The following ADGB variants were observed in gnomAD, a reference collection of about 807,000 sequenced individuals.
ADGB encodes the protein androglobin, also known as calpain-7-like protein.
A neutral mutation model predicts 210.5 loss-of-function variants in ADGB; 172 were observed. That is an observed-to-expected ratio of 0.82 (90% CI 0.72 to 0.93). The LOEUF is 0.93. Among genes scored for constraint, ADGB ranks in the 40% least tolerant of loss-of-function variants. ADGB has a pLI of 0.00. For missense variants in ADGB, 2,025 were observed against 1,964.8 expected (o/e 1.03, Z -0.58); for synonymous variants, 658 against 662.7 (o/e 0.99, Z 0.11).
At chr6:146,802,408 G>A (rs1189908883) in intron 35 of ADGB, 3 of 172,088 alleles carry the variant, frequency 1.7e-5, no homozygotes, top group Non-Finnish European at 2.4e-5. Flanking sequence ...AGTTAATGAT[G>A]ATTGGTCTTG....
chr6:146,802,090 A>G, intron 35 of ADGB, 79 bp downstream of exon 35: 1 of 989,416 alleles, frequency 1.0e-6, no homozygotes, highest in East Asian at 3.3e-5. Flanking sequence ...TAATTAAATA[A>G]TATTTTGTAT....
chr6:146,787,459 T>C (rs1777888474), intron 32 of ADGB, among the ~76,000 whole-genome samples: 1 of 152,180 alleles, frequency 6.6e-6, no homozygotes, highest in Admixed American at 6.5e-5. Flanking sequence ...CCTGGAATAG[T>C]AAGCTTCATT....
intron 32 of ADGB, among the ~76,000 whole-genome samples, chr6:146,787,163 G>A (rs1029792943): frequency 1.3e-5 from 2 of 152,160 alleles, no homozygotes; most frequent in Non-Finnish European, 2.9e-5. Context: ...AGGGCTCAGA[G>A]ACCCTGACCC....
At chr6:146,788,826 C>T (rs1367210384) in intron 33 of ADGB, among the ~76,000 whole-genome samples, 5 of 152,086 alleles carry the variant, frequency 3.3e-5, no homozygotes, top group African/African-American at 1.2e-4. Context: ...CAAAAGCCCC[C>T]CTACAGATTT....
At chr6:146,793,142 C>A (rs1777976333) in intron 33 of ADGB, among the ~76,000 whole-genome samples, 1 of 152,106 alleles carries the variant, frequency 6.6e-6, no homozygotes, top group Non-Finnish European at 1.5e-5. Context: ...TTTTTTCAAT[C>A]CTCCCCACGA....
intron 2 of ADGB, chr6:146,639,132 AT>A: frequency 2.5e-5 from 4 of 157,206 alleles, no homozygotes; most frequent in East Asian, 3.7e-4. Flanking sequence ...CTTTTCCAGC[AT>A]TTTTTTAATC....
intron 13 of ADGB, among the ~76,000 whole-genome samples, chr6:146,713,802 G>C (rs1357160342): frequency 2.0e-5 from 3 of 151,754 alleles, no homozygotes; most frequent in Non-Finnish European, 4.4e-5. Flanking sequence ...TGCTTTTGGA[G>C]TCATATCTAA....
Position 146,801,824 on chromosome 6 carries a change from C to A in ADGB, c.4635-4C>A. ...CTGTATCTTTTGATGACTTTTGTAT[C>A]AAGGAAAACAGATACAGATCCTCTG... On this transcript the variant is annotated splice_region_variant and splice_polypyrimidine_tract_variant and intron_variant, in intron 34 of 35. Coordinates refer to ENST00000397944, the MANE Select transcript of ADGB (RefSeq NM_024694.4). The A allele has an allele frequency of 6.5e-7, 1 of 1,531,880 alleles. No individual in the cohort carries two copies. Among genetic ancestry groups the A allele is most frequent in the Non-Finnish European group, 8.8e-7 (1 of 1,137,442 alleles). 94.9% of individuals were successfully genotyped at this position (1,531,880 alleles called of 1,614,324 possible).
At chr6:146,699,385 A>G (rs897119846) in intron 12 of ADGB, among the ~76,000 whole-genome samples, 1 of 152,178 alleles carries the variant, frequency 6.6e-6, no homozygotes, top group Admixed American at 6.6e-5. Flanking sequence ...TCCGAAGGGC[A>G]GAAGCCCTGG....
At chr6:146,691,411 A>ATATATATAT (rs1776305900) in intron 11 of ADGB, 121 bp downstream of exon 11, 5 of 98,244 alleles carry the variant, frequency 5.1e-5, no homozygotes, top group African/African-American at 3.5e-4. Context: ...GCCTATGTTT[A>ATATATATAT]ATATATATAT....
intron 13 of ADGB, 76 bp from the exon 14 acceptor site, chr6:146,715,306 C>A (rs1002613168): frequency 8.6e-7 from 1 of 1,168,960 alleles, no homozygotes; most frequent in Non-Finnish European, 1.2e-6. Flanking sequence ...ACTATATTAG[C>A]TCTTTTAGTA....
At chr6:146,651,249 C>A (rs893074837) in intron 3 of ADGB, among the ~76,000 whole-genome samples, 1 of 152,186 alleles carries the variant, frequency 6.6e-6, no homozygotes. Context: ...CAAATAATCC[C>A]TGGCACACTG....
At chr6:146,655,291 G>A (rs1775763262) in intron 4 of ADGB, among the ~76,000 whole-genome samples, 1 of 152,146 alleles carries the variant, frequency 6.6e-6, no homozygotes, top group Admixed American at 6.5e-5. Flanking sequence ...GGAGGGTACA[G>A]TGATGTTGTA....
chr6:146,796,482 G>A (rs1583643366), intron 33 of ADGB, among the ~76,000 whole-genome samples: 1 of 152,148 alleles, frequency 6.6e-6, no homozygotes, highest in Admixed American at 6.6e-5. Flanking sequence ...CAAGGCTATA[G>A]TTACCAAAAC....
intron 35 of ADGB, among the ~76,000 whole-genome samples, chr6:146,813,811 C>G (rs1307213432): frequency 1.3e-5 from 2 of 152,036 alleles, no homozygotes; most frequent in Non-Finnish European, 2.9e-5. Context: ...GTATTTTATC[C>G]CCATTTCCTC....
At chr6:146,654,282 G>A (rs924924753) in intron 4 of ADGB, 76 bp downstream of exon 4, 17 of 914,078 alleles carry the variant, frequency 1.9e-5, no homozygotes, top group Admixed American at 9.2e-5. Flanking sequence ...CCAGACAGTC[G>A]ATTTCAACTC....
chr6:146,795,523 T>C lies in ADGB; in HGVS notation c.4538-5660T>C, dbSNP rs1466968963. Among the ~76,000 whole-genome samples, 7 of 152,074 alleles carry C rather than the reference T, an allele frequency of 4.6e-5. No individual in the cohort carries two copies. In the South Asian group the frequency reaches 6.2e-4, roughly 14 times the overall value. Reference sequence around the variant, plus strand: ...AACAGACATATTTCTAAAGAAGACATACATGCAGCCAATAAGCACATGAAA... The same window carrying C: ...AACAGACATATTTCTAAAGAAGACACACATGCAGCCAATAAGCACATGAAA... On this transcript the variant is annotated intron_variant, in intron 33 of 35. Coordinates refer to ENST00000397944, the MANE Select transcript of ADGB (RefSeq NM_024694.4).
chr6:146,798,899 T>G (rs1778082888), intron 33 of ADGB, among the ~76,000 whole-genome samples: 1 of 151,956 alleles, frequency 6.6e-6, no homozygotes, highest in African/African-American at 2.4e-5. Flanking sequence ...TTTTAAATTA[T>G]CTAAATATAG....
At chr6:146,608,219 G>T (rs960854356) in intron 1 of ADGB, among the ~76,000 whole-genome samples, 21 of 149,926 alleles carry the variant, frequency 1.4e-4, no homozygotes, top group East Asian at 5.8e-4. Context: ...AGGTTTTGTG[G>T]TTTTTTTTTG....
Sources: gnomAD v4.1 joint callset for allele counts (sites outside exome capture counted in the v4.1 genomes callset) on GRCh38, gnomAD v4.1.1 for gene constraint, MANE v1.5 for transcripts, NCBI Gene and HGNC (gene_info 2026-07-23, HGNC 2026-07-21) for gene names.